Variants in NOTCH1 observed in about 807,000 individuals in gnomAD.
The protein encoded by NOTCH1 is notch receptor 1.
Under a neutral mutation model 254.8 loss-of-function variants are expected in NOTCH1, and 37 were observed. That is an observed-to-expected ratio of 0.15 (90% CI 0.11 to 0.19). NOTCH1 has a LOEUF of 0.19. NOTCH1 is among the 10% of genes least tolerant of loss of function. The pLI is 1.00. For synonymous variants in NOTCH1, 1,731 were observed against 1,618.1 expected, an observed-to-expected ratio of 1.07 and a Z score of -1.68; for missense variants, 2,972 against 3,708.6, an observed-to-expected ratio of 0.80 and a Z score of 5.16.
At chr9:136,510,489 C>T (rs902477103) in intron 17 of NOTCH1, 164 bp downstream of exon 17, 12 of 933,592 alleles carry the variant, frequency 1.3e-5, no homozygotes, top group East Asian at 5.3e-5. Context: ...TCCTGAACCA[C>T]CCTGGCCATC....
rs1843071382 is a variant in NOTCH1, at chr9:136,505,687, A to G, written c.4209T>C (p.Cys1403=). Reference sequence around the variant, plus strand: ...AGAAGGGGCTCTCGGATGTGGGCTCACAGGTCCCCTGGTTGTAGCAGGGGT... The same window carrying G: ...AGAAGGGGCTCTCGGATGTGGGCTCGCAGGTCCCCTGGTTGTAGCAGGGGT... ...GGNPCYNQGT[C]EPTSESPFYR... The change falls in exon 25 of 34, where the codon TGT becomes TGC. Residue 1403 remains cysteine, a synonymous_variant. Transcript: ENST00000651671. The G allele has an allele frequency of 2.5e-6, 4 of 1,609,790 alleles. No individual in the cohort carries two copies. The highest frequency in any genetic ancestry group is 1.3e-5 in the African/African-American group (1 of 74,878).
At chr9:136,534,496 A>T (rs926972339) in intron 2 of NOTCH1, among the ~76,000 whole-genome samples, 2 of 152,132 alleles carry the variant, frequency 1.3e-5, no homozygotes, top group African/African-American at 4.8e-5. Context: ...TTGGGGAAAA[A>T]TCTCAACTAG....
rs2133342489 is a variant in NOTCH1 at position 136,506,559 on chromosome 9, T to C, written c.3982A>G (p.Thr1328Ala). ...CACTTGCAGATGAACCCGCGGGCGG[T>C]GTTGGAGGCCACGGCGCAGGTGCCC... The part of the protein sequence containing the change: ...NGGTCAVASN[T>A]ARGFICKCPA... Residue 1328 changes from threonine to alanine, a missense_variant, in exon 24 of 34, where the codon ACC (threonine) becomes GCC (alanine). By Grantham distance (58) the Thr-to-Ala change is moderately conservative (BLOSUM62 0). Around this residue, in one of 8 missense-constraint regions of NOTCH1, gnomAD observed 1,343 missense variants for 1,557.0 expected, o/e 0.86. Coordinates refer to ENST00000651671, the MANE Select transcript of NOTCH1 (RefSeq NM_017617.5). The surrounding 1 kb of genome is among the most constrained non-coding windows in gnomAD (Gnocchi z 4.5). 6.2e-7 allele frequency: 1 copy of C among 1,609,388 alleles called. No individual in the cohort carries two copies. The highest frequency in any genetic ancestry group is 8.5e-7 in the Non-Finnish European group (1 of 1,179,038).
Position 136,523,901 on chromosome 9 carries a change from T to C in NOTCH1, c.219A>G (p.Thr73=), listed in dbSNP as rs759781673. The C allele has an allele frequency of 2.8e-5, 45 of 1,606,596 alleles. 1 individual carries two copies. The highest frequency in any genetic ancestry group is 3.6e-5 in the Non-Finnish European group (42 of 1,177,402). ...CLSTPCKNAG[T]CHVVDRRGVA... Reference sequence around the variant, plus strand: ...CGCCTCTGCGGTCCACCACGTGGCATGTCCCGGCGTTCTTGCAGGGGGTGC... The same window carrying C: ...CGCCTCTGCGGTCCACCACGTGGCACGTCCCGGCGTTCTTGCAGGGGGTGC... Residue 73 remains threonine, a synonymous_variant, in exon 3 of 34, where the codon ACA becomes ACG. Coordinates refer to ENST00000651671, the MANE Select transcript of NOTCH1 (RefSeq NM_017617.5).
At position 136,507,296 on chromosome 9, in the gene NOTCH1, G is replaced by T. The variant is rs764985096; in HGVS notation, c.3643+9C>A. The T allele has an allele frequency of 6.2e-7, 1 of 1,612,832 alleles. No homozygotes were observed. The highest frequency in any genetic ancestry group is 8.5e-7 in the Non-Finnish European group (1 of 1,179,892). ...GGCCAACACCAGCCCTCCGTGCAGC[G>T]GCCCTTACCCTGAGTGCCCCGTGGG... On this transcript the variant is annotated intron_variant, in intron 22 of 33. Coordinates refer to ENST00000651671, the MANE Select transcript of NOTCH1 (RefSeq NM_017617.5).
chr9:136,507,961 G>C lies in NOTCH1; in HGVS notation c.3504C>G (p.Ser1168=). Residue 1168 remains serine (S), a synonymous_variant, in exon 21 of 34, where the codon TCC becomes TCG. Transcript: ENST00000651671. ...CCCTAGGAGGGACCCCCACCTTGCA[G>C]GAGTAGCCGCCCAGGTAGTCCGTGC... ...ATCTDYLGGY[S]CKCVAGYHGV... 1.2e-6 allele frequency: 2 copies of C among 1,612,604 alleles called. No homozygotes were observed. Among genetic ancestry groups the C allele is most frequent in the Non-Finnish European group, 1.7e-6 (2 of 1,179,972 alleles).
chr9:136,494,708 G>A lies in NOTCH1; in HGVS notation c.*1363C>T, dbSNP rs908733263. 46 of 398,308 alleles carry A rather than the reference G, an allele frequency of 1.2e-4. No individual in the cohort carries two copies. The highest frequency in any genetic ancestry group is 6.2e-4 in the Middle Eastern group (1 of 1,608). The allele number at this position is 398,308 out of a possible 1,614,324, so 24.7% of individuals were successfully genotyped here. A position where few individuals can be genotyped will look rare whatever the true frequency, so the allele number is the denominator to read the frequency against. ...AGCGGAGCGTCCCCAGTGCATGGGC[G>A]GCTAAGGCTCCCCGAGCTGAGCCAA... On this transcript the variant is annotated 3_prime_UTR_variant, in exon 34 of 34. Coordinates refer to ENST00000651671, the MANE Select transcript of NOTCH1 (RefSeq NM_017617.5).
chr9:136,518,891 G>T, intron 5 of NOTCH1, 67 bp from the exon 6 acceptor site: 1 of 1,437,114 alleles, frequency 7.0e-7, no homozygotes, highest in African/African-American at 1.4e-5. Context: ...CCCCTAAGAC[G>T]CAGGGTGGCA....
chr9:136,517,686 C>T (rs1843298125), intron 8 of NOTCH1, 66 bp downstream of exon 8: 15 of 1,585,100 alleles, frequency 9.5e-6, no homozygotes, highest in Admixed American at 3.3e-5. Context: ...CAGATGTTCC[C>T]GGGGCTGCCC....
At chr9:136,505,198 G>A (rs1344445279) in intron 25 of NOTCH1, 94 bp from the exon 26 acceptor site, 18 of 1,515,272 alleles carry the variant, frequency 1.2e-5, no homozygotes, top group Admixed American at 5.7e-5. Context: ...CGCGGGGGAC[G>A]TCCCTGCACC....
At chr9:136,538,292 C>T (rs1359327747) in intron 2 of NOTCH1, among the ~76,000 whole-genome samples, 5 of 151,832 alleles carry the variant, frequency 3.3e-5, no homozygotes, top group African/African-American at 1.2e-4. Context: ...CTGCCCCTTC[C>T]CCAGCTGGGG....
Position 136,505,736 on chromosome 9 carries a change from G to T in NOTCH1, c.4160C>A (p.Ala1387Asp). The T allele has an allele frequency of 1.3e-6, 2 of 1,592,298 alleles. No homozygotes were observed. The highest frequency in any genetic ancestry group is 1.7e-6 in the Non-Finnish European group (2 of 1,167,498). ...PFTGPECQFP[A>D]SSPCLGGNPC... Reference sequence around the variant, plus strand: ...GTTGCCGCCCAGGCAGGGGCTGCTGGCCGGGAACTGGCATTCGGGGCCCGT... The same window carrying T: ...GTTGCCGCCCAGGCAGGGGCTGCTGTCCGGGAACTGGCATTCGGGGCCCGT... The change falls in exon 25 of 34, where the codon GCC becomes GAC. Residue 1387 changes from alanine to aspartate, a missense_variant. By Grantham distance (126) the Ala-to-Asp change is moderately radical. Transcript: ENST00000651671.
At chr9:136,532,790 G>A (rs1318796502) in intron 2 of NOTCH1, among the ~76,000 whole-genome samples, 1 of 152,214 alleles carries the variant, frequency 6.6e-6, no homozygotes, top group African/African-American at 2.4e-5. Flanking sequence ...GGCCCACGTG[G>A]GGGAAAGAAG....
At chr9:136,539,049 G>A (rs980559260) in intron 2 of NOTCH1, among the ~76,000 whole-genome samples, 4 of 152,206 alleles carry the variant, frequency 2.6e-5, no homozygotes, top group Non-Finnish European at 5.9e-5. Context: ...AGCCAGTCCC[G>A]GCTCCTGTGG....
Position 136,513,635 on chromosome 9 carries a change from G to C in NOTCH1, c.2208-98C>G, listed in dbSNP as rs961670753. On this transcript the variant is annotated intron_variant, in intron 13 of 33. Transcript: ENST00000651671. This position sits in a 1 kb window ranked among gnomAD's most constrained non-coding sequence, Gnocchi z 4.7. ...TGCAATGCCCTATGGGCTGGCGGAG[G>C]TGCCCATCCACTCAGACTCGCAGAG... 1 of 1,391,462 alleles carries C rather than the reference G, an allele frequency of 7.2e-7. No homozygotes were observed. The highest frequency in any genetic ancestry group is 1.0e-6 in the Non-Finnish European group (1 of 1,002,288). The allele number at this position is 1,391,462 out of a possible 1,614,324, so 86.2% of individuals were successfully genotyped here.
chr9:136,533,687 G>A (rs1843598100), intron 2 of NOTCH1, among the ~76,000 whole-genome samples: 1 of 152,240 alleles, frequency 6.6e-6, no homozygotes, highest in African/African-American at 2.4e-5. Context: ...CTGAGGCTTG[G>A]GTGGGGCAAT....
rs760180464 is a variant in NOTCH1 at position 136,508,210 on chromosome 9, C to A, written c.3325+22G>T. 3.1e-6 allele frequency: 5 copies of A among 1,609,586 alleles called. No individual in the cohort carries two copies. The African/African-American group carries it at 4.0e-5, about 13-fold the overall frequency. On this transcript the variant is annotated intron_variant, in intron 20 of 33. Transcript: ENST00000651671. The stretch of plus-strand genomic sequence containing the variant: ...GGACCTTGATGGGCTGGGACCCGAG[C>A]TGGGTGGGCACAGCAGGTTACCTTG...
chr9:136,530,069 A>T (rs1186767453), intron 2 of NOTCH1, among the ~76,000 whole-genome samples: 1 of 152,206 alleles, frequency 6.6e-6, no homozygotes, highest in African/African-American at 2.4e-5. Flanking sequence ...GGGGGCCCAG[A>T]AAAGGAGCCA....
rs1344639057 is a variant in NOTCH1 at position 136,504,782 on chromosome 9, C to T, written c.4909G>A (p.Gly1637Ser). 1.3e-6 allele frequency: 2 copies of T among 1,553,800 alleles called. No individual in the cohort carries two copies. Among genetic ancestry groups the T allele is most frequent in the Non-Finnish European group, 8.7e-7 (1 of 1,149,142 alleles). Residue 1637 changes from glycine to serine, a missense_variant, in exon 26 of 34, where the codon GGC becomes AGC. By Grantham distance (56) the Gly-to-Ser change is moderately conservative. Around this residue, in one of 8 missense-constraint regions of NOTCH1, gnomAD observed 1,343 missense variants for 1,557.0 expected, o/e 0.86. Transcript: ENST00000651671. ...AGCAGGGCGTCAGGTGCGGCCCAGC[C>T]CTCGGCGGCACGCTTGATGGGGTGC... Reference protein sequence around the residue: ...RKHPIKRAAEGWAAPDALLGQ... With the variant: ...RKHPIKRAAESWAAPDALLGQ...
Sources: allele counts gnomAD v4.1 joint callset (sites outside exome capture counted in the v4.1 genomes callset), GRCh38; gene constraint gnomAD v4.1.1; regional missense constraint gnomAD v4.1.1; non-coding constraint Gnocchi (gnomAD v3.1); transcripts MANE v1.5; gene names NCBI Gene and HGNC (gene_info 2026-07-23, HGNC 2026-07-21).